The following LGMN variants were observed in gnomAD, a reference collection of about 807,000 sequenced individuals.
LGMN encodes asparaginyl endopeptidase.
A neutral mutation model predicts 56.8 loss-of-function variants in LGMN; 36 were observed. The ratio of observed to expected loss-of-function variants is 0.63; its 90% CI spans 0.49 to 0.84. The LOEUF (loss-of-function observed/expected upper bound fraction) is 0.84, where lower values mean the gene tolerates loss of function less well. Ranked by LOEUF, LGMN falls within the 40% of genes least tolerant of loss-of-function variation. The pLI is 0.00. For synonymous variants in LGMN, 199 were observed against 210.1 expected, an observed-to-expected ratio of 0.95 and a Z score of 0.46; for missense variants, 446 against 556.1, an observed-to-expected ratio of 0.80 and a Z score of 1.99.
rs554623960 is a variant in LGMN at position 92,706,753 on chromosome 14, A to G, written c.1021-100T>C. The G allele has an allele frequency of 1.4e-4, 149 of 1,075,844 alleles. No individual in the cohort carries two copies. In the African/African-American group the frequency reaches 2.1e-3, roughly 15 times the overall value. 66.6% of individuals were successfully genotyped at this position (1,075,844 alleles called of 1,614,324 possible). ...TGCATTCAAAGGCTACTCTCCACACAGCCCTCAGCCTCCCGCAGGTTAGAG... is the reference window on the plus strand; with the variant it reads ...TGCATTCAAAGGCTACTCTCCACACGGCCCTCAGCCTCCCGCAGGTTAGAG... On this transcript the variant is annotated intron_variant, in intron 11 of 13. Coordinates refer to ENST00000334869, the MANE Select transcript of LGMN (RefSeq NM_005606.7).
intron 1 of LGMN, among the ~76,000 whole-genome samples, chr14:92,746,665 A>C (rs1891832593): frequency 6.6e-6 from 1 of 152,210 alleles, no homozygotes; most frequent in Non-Finnish European, 1.5e-5. Flanking sequence ...CTTCCTGGAC[A>C]TTCAGGATAA....
Position 92,716,028 on chromosome 14 carries a change from T to G in LGMN, c.404+108A>C, listed in dbSNP as rs943322619. 20 of 734,190 alleles carry G rather than the reference T, an allele frequency of 2.7e-5. No homozygotes were observed. The Admixed American group carries it at 4.6e-4, about 17-fold the overall frequency. The allele number at this position is 734,190 out of a possible 1,614,324, so 45.5% of individuals were successfully genotyped here. ...CAGAACAAAACTCTCCACTCTGTAA[T>G]TTCTCACAGGTAAACAGGCTAGGGG... is the stretch of plus-strand genomic sequence containing the variant. On this transcript the variant is annotated intron_variant, in intron 5 of 13. Coordinates refer to ENST00000334869, the MANE Select transcript of LGMN (RefSeq NM_005606.7).
intron 1 of LGMN, among the ~76,000 whole-genome samples, chr14:92,745,985 C>T (rs1891801361): frequency 6.6e-6 from 1 of 152,122 alleles, no homozygotes; most frequent in African/African-American, 2.4e-5. Context: ...CCACACCTAG[C>T]TAATTTCTGT....
intron 1 of LGMN, among the ~76,000 whole-genome samples, chr14:92,738,479 C>T (rs1001598592): frequency 6.6e-6 from 1 of 151,390 alleles, no homozygotes; most frequent in African/African-American, 2.4e-5. Context: ...GGGGTTTCAC[C>T]GTGTTAGCCA....
chr14:92,730,967 T>C (rs1446044156), intron 2 of LGMN, among the ~76,000 whole-genome samples: 1 of 151,852 alleles, frequency 6.6e-6, no homozygotes, highest in Non-Finnish European at 1.5e-5. Flanking sequence ...TTAAAATTAA[T>C]TTCACCTTCT....
chr14:92,712,768 G>C (rs773849160), intron 8 of LGMN, 37 bp downstream of exon 8: 1 of 1,601,572 alleles, frequency 6.2e-7, no homozygotes, highest in South Asian at 1.1e-5. Context: ...CAACCTGCTT[G>C]CCAGCCCAGG....
chr14:92,720,540 G>T (rs2140237293), intron 2 of LGMN, among the ~76,000 whole-genome samples: 1 of 152,310 alleles, frequency 6.6e-6, no homozygotes, highest in South Asian at 2.1e-4. Flanking sequence ...GGTGGTGCAT[G>T]CGTGTAATCC....
At chr14:92,707,898 T>C (rs1479562867) in intron 11 of LGMN, among the ~76,000 whole-genome samples, 1 of 152,164 alleles carries the variant, frequency 6.6e-6, no homozygotes, top group African/African-American at 2.4e-5. Context: ...ACGCCTGTAA[T>C]CCCAGAACTT....
chr14:92,740,179 C>G (rs1891484501), intron 1 of LGMN, among the ~76,000 whole-genome samples: 1 of 152,180 alleles, frequency 6.6e-6, no homozygotes, highest in Non-Finnish European at 1.5e-5. Flanking sequence ...ACCCGGGAGG[C>G]AGAGGTTGCA....
At chr14:92,731,264 G>A (rs1419684247) in intron 2 of LGMN, among the ~76,000 whole-genome samples, 1 of 152,196 alleles carries the variant, frequency 6.6e-6, no homozygotes, top group African/African-American at 2.4e-5. Context: ...TTCTGAGACT[G>A]ACAAGATTAA....
chr14:92,707,201 G>A (rs1407213033), intron 11 of LGMN, among the ~76,000 whole-genome samples: 1 of 151,624 alleles, frequency 6.6e-6, no homozygotes, highest in Admixed American at 6.6e-5. Flanking sequence ...AGACCGGCCT[G>A]GGCAACACAG....
rs1891117467 is a variant in LGMN at position 92,732,763 on chromosome 14, G to A, written c.24C>T (p.Phe8=). The A allele has an allele frequency of 1.2e-6, 2 of 1,614,060 alleles. No homozygotes were observed. The highest frequency in any genetic ancestry group is 1.6e-4 in the Middle Eastern group (1 of 6,062). MVWKVAV[F]LSVALGIGAV... is the part of the protein sequence containing the mutation. ...CACCAATGCCCAGGGCCACACTGAG[G>A]AATACAGCTACTTTCCAAACCATTC... Residue 8 remains phenylalanine (F), a synonymous_variant, in exon 2 of 14, where the codon TTC becomes TTT. Transcript: ENST00000334869.
chr14:92,734,344 G>A (rs1891202263), intron 1 of LGMN, among the ~76,000 whole-genome samples: 1 of 152,214 alleles, frequency 6.6e-6, no homozygotes, highest in South Asian at 2.1e-4. Flanking sequence ...CTGAGGCCGG[G>A]CGTGGTGGCT....
Position 92,723,338 on chromosome 14 carries a change from T to G in LGMN, c.139-4494A>C, listed in dbSNP as rs115163352. Among the ~76,000 whole-genome samples the G allele has an allele frequency of 2.0e-5, 3 of 151,904 alleles. No individual in the cohort carries two copies. In the South Asian group the frequency reaches 6.2e-4, roughly 32 times the overall value. ...GGGATTACAGGTGTGAGCCACCACA[T>G]CTGTCCTGCAATTCCAACTCTTAAG... On this transcript the variant is annotated intron_variant, in intron 2 of 13. Coordinates refer to ENST00000334869, the MANE Select transcript of LGMN (RefSeq NM_005606.7).
At chr14:92,713,977 T>C (rs1889933276) in intron 6 of LGMN, 92 bp from the exon 7 acceptor site, 1 of 940,446 alleles carries the variant, frequency 1.1e-6, no homozygotes, top group Non-Finnish European at 1.8e-6. Flanking sequence ...CTTCATAAAC[T>C]CTTTTCTACC....
At chr14:92,712,203 G>A (rs1379432257) in intron 8 of LGMN, among the ~76,000 whole-genome samples, 4 of 152,216 alleles carry the variant, frequency 2.6e-5, no homozygotes, top group African/African-American at 9.6e-5. Flanking sequence ...AAATTGGCAT[G>A]CTTAGGACAT....
At chr14:92,718,904 T>A in intron 2 of LGMN, 60 bp from the exon 3 acceptor site, 1 of 1,136,688 alleles carries the variant, frequency 8.8e-7, no homozygotes, top group South Asian at 1.2e-5. Context: ...TTTGGAGTTC[T>A]AAGGAGTGAT....
chr14:92,723,753 A>G (rs1341656688), intron 2 of LGMN, among the ~76,000 whole-genome samples: 1 of 150,120 alleles, frequency 6.7e-6, no homozygotes, highest in African/African-American at 2.4e-5. Flanking sequence ...TTTTTTTTTG[A>G]GTCAGTCTTG....
At chr14:92,743,068 A>G (rs1453795075) in intron 1 of LGMN, 2 of 152,108 alleles carry the variant, frequency 1.3e-5, no homozygotes, top group South Asian at 2.1e-4. Flanking sequence ...TTCTTTAACA[A>G]AAGATATAGC....
Sources: allele counts gnomAD v4.1 joint callset (sites outside exome capture counted in the v4.1 genomes callset), GRCh38; gene constraint gnomAD v4.1.1; transcripts MANE v1.5; gene names NCBI Gene and HGNC (gene_info 2026-07-23, HGNC 2026-07-21).